SPEN: variants seen among roughly 807,000 people sequenced by gnomAD.
SPEN encodes msx2-interacting protein.
Under a neutral mutation model 269.9 loss-of-function variants are expected in SPEN, and 18 were observed. The observed-to-expected ratio is 0.07, with a 90% CI of 0.05 to 0.10. SPEN has a LOEUF of 0.10. SPEN is among the 10% of genes least tolerant of loss of function. The pLI is 1.00. For missense variants in SPEN, 3,822 were observed against 4,631.2 expected (o/e 0.83, Z 5.07); for synonymous variants, 1,726 against 1,765.7 (o/e 0.98, Z 0.56).
Position 15,848,281 on chromosome 1 carries a change from A to G in SPEN, c.83+131A>G. 4.1e-6 allele frequency: 2 copies of G among 487,528 alleles called. No homozygotes were observed. Among genetic ancestry groups the G allele is most frequent in the Non-Finnish European group, 6.5e-6 (2 of 308,106 alleles). 30.2% of individuals were successfully genotyped at this position (487,528 alleles called of 1,614,324 possible). On this transcript the variant is annotated intron_variant, in intron 1 of 14. Transcript: ENST00000375759. This position sits in a 1 kb window ranked among gnomAD's most constrained non-coding sequence, Gnocchi z 5.1. ...GGCCCGGACCCACGGGCGCTGTGGG[A>G]CCTCGTCAGCCGCTCGGCCCGCGTC...
intron 3 of SPEN, among the ~76,000 whole-genome samples, chr1:15,877,197 G>A (rs1362959604): frequency 2.0e-5 from 3 of 152,080 alleles, no homozygotes; most frequent in African/African-American, 4.8e-5. Flanking sequence ...AAGTAGAAAA[G>A]CTTCCTTTGA....
intron 3 of SPEN, among the ~76,000 whole-genome samples, chr1:15,904,183 A>C (rs753850152): frequency 1.3e-4 from 20 of 152,148 alleles, no homozygotes; most frequent in Non-Finnish European, 1.0e-4. Context: ...AGCATATCAC[A>C]ATGTGAACTC....
In SPEN at chr1:15,855,990, C is replaced by CCTTTTTTTTT. The variant is rs370972899; in HGVS notation, c.83+7840_83+7841insCTTTTTTTTT. 3.5e-4 allele frequency among the ~76,000 whole-genome samples: 10 copies of CCTTTTTTTTT among 28,220 alleles called. 4 individuals carry two copies. The highest frequency in any genetic ancestry group is 5.2e-4 in the African/African-American group (5 of 9,682). 18.5% of individuals were successfully genotyped at this position (28,220 alleles called of 152,430 possible). On this transcript the variant is annotated intron_variant, in intron 1 of 14. Transcript: ENST00000375759. The stretch of plus-strand genomic sequence containing the variant: ...TTATTGTGTGAAAAGGATGCTAGAA[C>CCTTTTTTTTT]TTTTTTTTTTTTTTTTTTTTGAGAC...
In SPEN at chr1:15,934,873, C is replaced by T. The variant is rs781561009; in HGVS notation, c.8633C>T (p.Ala2878Val). 4.3e-6 allele frequency: 7 copies of T among 1,614,030 alleles called. No individual in the cohort carries two copies. The highest frequency in any genetic ancestry group is 1.3e-5 in the African/African-American group (1 of 74,906). ...SKGPQAPAGYANVATHSTLVL... is the reference protein window; with the variant it reads ...SKGPQAPAGYVNVATHSTLVL... ...GGCCCTCAAGCTCCTGCAGGCTATG[C>T]GAACGTGGCCACCCATTCCACGTTG... The change falls in exon 11 of 15, where the codon GCG becomes GTG. Residue 2878 changes from alanine (A) to valine (V), a missense_variant. By Grantham distance (64) the Ala-to-Val change is moderately conservative. Around this residue, in one of 16 missense-constraint regions of SPEN, gnomAD observed 329 missense variants for 431.2 expected, o/e 0.76. Coordinates refer to ENST00000375759, the MANE Select transcript of SPEN (RefSeq NM_015001.3). The surrounding 1 kb of genome is among the most constrained non-coding windows in gnomAD (Gnocchi z 9.2).
intron 3 of SPEN, among the ~76,000 whole-genome samples, chr1:15,883,935 G>A (rs780165403): frequency 2.7e-5 from 4 of 149,334 alleles, no homozygotes; most frequent in Non-Finnish European, 5.9e-5. Flanking sequence ...TCAGCCTCCC[G>A]AGTAGCTGGG....
At chr1:15,875,778 A>G (rs1228968250) in intron 2 of SPEN, among the ~76,000 whole-genome samples, 15 of 152,242 alleles carry the variant, frequency 9.9e-5, no homozygotes, top group Non-Finnish European at 2.2e-4. Context: ...AAAACATAGC[A>G]TGGAAATGTG....
At chr1:15,914,384 T>C (rs996837654) in intron 5 of SPEN, among the ~76,000 whole-genome samples, 2 of 152,208 alleles carry the variant, frequency 1.3e-5, no homozygotes, top group Admixed American at 1.3e-4. Context: ...ATGGCTTTGT[T>C]TTACATTAAG....
rs759160916 is a variant in SPEN at position 15,935,882 on chromosome 1, T to C, written c.9642T>C (p.Asp3214=). 14 of 1,613,274 alleles carry C rather than the reference T, an allele frequency of 8.7e-6. No homozygotes were observed. The highest frequency in any genetic ancestry group is 1.0e-5 in the Non-Finnish European group (12 of 1,179,980). Residue 3214 remains aspartate, a synonymous_variant, in exon 11 of 15, where the codon GAT becomes GAC. Transcript: ENST00000375759. The surrounding 1 kb of genome is among the most constrained non-coding windows in gnomAD (Gnocchi z 7.7). The part of the protein sequence containing the change: ...TAVSEQPRAA[D]GVVKVPPASK... The stretch of plus-strand genomic sequence containing the variant: ...TCAGCGAGCAGCCCAGGGCCGCGGA[T>C]GGGGTGGTGAAGGTGCCACCAGCCA...
chr1:15,860,711 C>G (rs1003693525), intron 1 of SPEN, among the ~76,000 whole-genome samples: 4 of 150,060 alleles, frequency 2.7e-5, no homozygotes, highest in African/African-American at 9.8e-5. Context: ...CAAGCGATTC[C>G]CCTGCCTCAG....
chr1:15,908,180 C>G (rs530113995), intron 3 of SPEN, among the ~76,000 whole-genome samples: 42 of 152,234 alleles, frequency 2.8e-4, no homozygotes, highest in African/African-American at 1.0e-3. Flanking sequence ...GCTACTACTA[C>G]TACTACTAAC....
intron 1 of SPEN, among the ~76,000 whole-genome samples, chr1:15,865,308 C>T (rs1029851659): frequency 2.0e-5 from 3 of 151,786 alleles, no homozygotes; most frequent in African/African-American, 7.3e-5. Flanking sequence ...CGGCCTCGGC[C>T]TCCCAGAGTG....
At chr1:15,926,378 T>C (rs568704411) in intron 10 of SPEN, among the ~76,000 whole-genome samples, 1 of 143,588 alleles carries the variant, frequency 7.0e-6, no homozygotes, top group Admixed American at 7.0e-5. Flanking sequence ...AGCTCAGATA[T>C]ATACATACAC....
At chr1:15,887,733 A>T (rs2070749986) in intron 3 of SPEN, among the ~76,000 whole-genome samples, 1 of 151,260 alleles carries the variant, frequency 6.6e-6, no homozygotes, top group Non-Finnish European at 1.5e-5. Flanking sequence ...AAAAAAAAAA[A>T]CAAGTCCTTC....
intron 6 of SPEN, among the ~76,000 whole-genome samples, chr1:15,916,779 A>G (rs1322135880): frequency 6.6e-6 from 1 of 152,094 alleles, no homozygotes; most frequent in Non-Finnish European, 1.5e-5. Context: ...TTTTAATGCC[A>G]TCTCTAGTCC....
At chr1:15,867,652 C>G (rs2148708435) in intron 1 of SPEN, among the ~76,000 whole-genome samples, 1 of 150,054 alleles carries the variant, frequency 6.7e-6, no homozygotes, top group East Asian at 2.0e-4. Context: ...GGGTGGCTAT[C>G]TCACCAGCAA....
In SPEN at chr1:15,916,186, C is replaced by T. The variant is rs1334128001; in HGVS notation, c.1302C>T (p.Pro434=). 1.9e-6 allele frequency: 3 copies of T among 1,613,422 alleles called. No individual in the cohort carries two copies. The highest frequency in any genetic ancestry group is 2.5e-6 in the Non-Finnish European group (3 of 1,179,834). Residue 434 remains proline, a synonymous_variant, in exon 6 of 15, where the codon CCC becomes CCT. Transcript: ENST00000375759. ...ATGAAAGGATAGATGAATTTCACCCCAAAGCAACAAGAACTCTCTTTATTG... is the reference window on the plus strand; with the variant it reads ...ATGAAAGGATAGATGAATTTCACCCTAAAGCAACAAGAACTCTCTTTATTG... ...PLDERIDEFH[P]KATRTLFIGN...
chr1:15,921,159 C>G (rs1327593155), intron 9 of SPEN, among the ~76,000 whole-genome samples, 176 bp downstream of exon 9: 1 of 152,178 alleles, frequency 6.6e-6, no homozygotes, highest in Non-Finnish European at 1.5e-5. Flanking sequence ...AACCACGTCT[C>G]TACTAAAAAT....
rs1465631567 is a variant in SPEN at position 15,934,459 on chromosome 1, C to A, written c.8219C>A (p.Thr2740Asn). 1 of 1,614,034 alleles carries A rather than the reference C, an allele frequency of 6.2e-7. No individual in the cohort carries two copies. The highest frequency in any genetic ancestry group is 1.7e-5 in the Admixed American group (1 of 60,026). Residue 2740 changes from threonine (T) to asparagine (N), a missense_variant, in exon 11 of 15, where the codon ACC (threonine) becomes AAC (asparagine). Physicochemically the swap from Thr to Asn is moderately conservative, Grantham distance 65. This residue lies in a region of SPEN where 329 missense variants were observed against 431.2 expected (regional missense o/e 0.76). Transcript: ENST00000375759. This position sits in a 1 kb window ranked among gnomAD's most constrained non-coding sequence, Gnocchi z 9.2. The stretch of plus-strand genomic sequence containing the variant: ...GTGAATGCCACAGCAAGTGCAGTGA[C>A]CGTCACAGCGGGTGCGGTTACTGCT... ...SAVNATASAV[T>N]VTAGAVTAAS...
chr1:15,887,731 AAAC>A (rs2070749973), intron 3 of SPEN, among the ~76,000 whole-genome samples: 1 of 151,650 alleles, frequency 6.6e-6, no homozygotes, highest in Non-Finnish European at 1.5e-5. Flanking sequence ...AAAAAAAAAA[AAAC>A]AAGTCCTTCA....
Sources: allele counts gnomAD v4.1 joint callset (sites outside exome capture counted in the v4.1 genomes callset), GRCh38; gene constraint gnomAD v4.1.1; regional missense constraint gnomAD v4.1.1; non-coding constraint Gnocchi (gnomAD v3.1); transcripts MANE v1.5; gene names NCBI Gene and HGNC (gene_info 2026-07-23, HGNC 2026-07-21).